TRPM3: variants seen among roughly 807,000 people sequenced by gnomAD.
The protein encoded by TRPM3 is long transient receptor potential channel 3.
Under a neutral mutation model 181.2 loss-of-function variants are expected in TRPM3, and 77 were observed. The ratio of observed to expected loss-of-function variants is 0.42; its 90% CI spans 0.35 to 0.51. The LOEUF (loss-of-function observed/expected upper bound fraction) is 0.51. Among genes scored for constraint, TRPM3 ranks in the 20% least tolerant of loss-of-function variants. TRPM3 has a pLI of 0.01. For synonymous variants in TRPM3, 745 were observed against 796.4 expected, an observed-to-expected ratio of 0.94 and a Z score of 1.09; for missense variants, 1,759 against 2,196.7, an observed-to-expected ratio of 0.80 and a Z score of 3.98.
chr9:71,398,781 A>G (rs2093263928), intron 1 of TRPM3, among the ~76,000 whole-genome samples: 1 of 152,158 alleles, frequency 6.6e-6, no homozygotes, highest in African/African-American at 2.4e-5. Context: ...CAATCTCTAT[A>G]CTAATGCAAA....
intron 1 of TRPM3, among the ~76,000 whole-genome samples, chr9:71,287,598 A>T (rs370252090): frequency 6.6e-6 from 1 of 152,130 alleles, no homozygotes; most frequent in African/African-American, 2.4e-5. Flanking sequence ...TGTACAAAAA[A>T]ACTACAACTC....
intron 1 of TRPM3, among the ~76,000 whole-genome samples, chr9:71,244,512 C>T (rs1020509230): frequency 1.2e-4 from 18 of 152,252 alleles, no homozygotes; most frequent in African/African-American, 4.1e-4. Context: ...TCCTCTAAGT[C>T]ACCCTTGAGG....
chr9:70,593,962 T>G (rs1267277401), intron 21 of TRPM3, among the ~76,000 whole-genome samples: 1 of 147,500 alleles, frequency 6.8e-6, no homozygotes, highest in Non-Finnish European at 1.5e-5. Context: ...GTATATAATA[T>G]ATATTATATA....
chr9:71,168,578 G>GT (rs1248703820), intron 1 of TRPM3, among the ~76,000 whole-genome samples: 5 of 43,256 alleles, frequency 1.2e-4, no homozygotes, highest in African/African-American at 5.4e-4. Flanking sequence ...ATTTATTTTT[G>GT]TTTTTTATTT....
chr9:71,405,575 AAAGT>A (rs2093422275), intron 1 of TRPM3, among the ~76,000 whole-genome samples: 1 of 152,214 alleles, frequency 6.6e-6, no homozygotes, highest in African/African-American at 2.4e-5. Context: ...GAAAAAAACA[AAAGT>A]AAGCTTAAAC....
chr9:71,401,103 C>T (rs2093331801), intron 1 of TRPM3, among the ~76,000 whole-genome samples: 1 of 144,094 alleles, frequency 6.9e-6, no homozygotes, highest in African/African-American at 2.6e-5. Flanking sequence ...GAGGCTGAGG[C>T]AGGAAAATCA....
intron 1 of TRPM3, among the ~76,000 whole-genome samples, chr9:71,351,915 G>A (rs540246936): frequency 2.9e-4 from 41 of 142,860 alleles, no homozygotes; most frequent in African/African-American, 7.2e-4. Context: ...TTGCTCTGTC[G>A]CCCAGGCTGG....
At chr9:70,627,789 A>C (rs1483150480) in intron 12 of TRPM3, among the ~76,000 whole-genome samples, 1 of 152,138 alleles carries the variant, frequency 6.6e-6, no homozygotes, top group Non-Finnish European at 1.5e-5. Flanking sequence ...TCCACAGCCT[A>C]ATCTGGCATC....
intron 1 of TRPM3, among the ~76,000 whole-genome samples, chr9:71,128,455 G>C (rs1466102008): frequency 6.6e-6 from 1 of 152,078 alleles, no homozygotes; most frequent in Non-Finnish European, 1.5e-5. Flanking sequence ...ATTCTAATGA[G>C]TTCCCGGAGG....
chr9:70,648,226 G>T (rs1313140006), intron 9 of TRPM3, among the ~76,000 whole-genome samples: 2 of 152,192 alleles, frequency 1.3e-5, no homozygotes, highest in African/African-American at 4.8e-5. Flanking sequence ...TGTATTACCA[G>T]CATTTTGGGA....
chr9:70,649,301 G>T (rs1171776003), intron 9 of TRPM3, among the ~76,000 whole-genome samples: 1 of 151,352 alleles, frequency 6.6e-6, no homozygotes, highest in Non-Finnish European at 1.5e-5. Flanking sequence ...CAATTCTCCT[G>T]CCTCAGCCTC....
intron 6 of TRPM3, among the ~76,000 whole-genome samples, chr9:70,808,603 C>T (rs931246069): frequency 4.6e-5 from 7 of 152,156 alleles, no homozygotes; most frequent in African/African-American, 1.7e-4. Flanking sequence ...GTTACACAGC[C>T]AACTGTGTCA....
rs1032572998 is a variant in TRPM3, at chr9:70,770,985, G to T, written c.1149-9261C>A. Among the ~76,000 whole-genome samples, 20 of 152,254 alleles carry T rather than the reference G, an allele frequency of 1.3e-4. No homozygotes were observed. The South Asian group carries it at 2.1e-3, about 16-fold the overall frequency. On this transcript the variant is annotated intron_variant, in intron 7 of 25. Transcript: ENST00000677713. ...GTAGGCCTGTGAATAGGATGGGAAA[G>T]GCCACATTTCAAAGCCACTTAGCTG...
chr9:71,075,770 A>G (rs1276363724), intron 1 of TRPM3, among the ~76,000 whole-genome samples: 1 of 152,176 alleles, frequency 6.6e-6, no homozygotes, highest in South Asian at 2.1e-4. Context: ...GAAAACTGTA[A>G]CTCTATTGGC....
intron 5 of TRPM3, among the ~76,000 whole-genome samples, chr9:70,831,389 CT>C (rs57576262): frequency 0.5 from 66,210 of 132,510 alleles, 15,954 homozygotes; most frequent in African/African-American, 0.65. Flanking sequence ...TAAAATAGGA[CT>C]TTTTTTTTTT....
intron 8 of TRPM3, among the ~76,000 whole-genome samples, chr9:70,695,561 A>C (rs2070111847): frequency 6.6e-6 from 1 of 152,126 alleles, no homozygotes; most frequent in African/African-American, 2.4e-5. Context: ...TATCTTCTGC[A>C]AGCTTATCTT....
intron 1 of TRPM3, among the ~76,000 whole-genome samples, chr9:71,171,277 T>G (rs1004926908): frequency 6.6e-6 from 1 of 152,204 alleles, no homozygotes; most frequent in African/African-American, 2.4e-5. Flanking sequence ...CTGCCTCCAC[T>G]TGCCTTGTGA....
intron 1 of TRPM3, among the ~76,000 whole-genome samples, chr9:70,932,192 C>A (rs1415219): frequency 6.6e-6 from 1 of 151,982 alleles, no homozygotes; most frequent in Non-Finnish European, 1.5e-5. Flanking sequence ...TCTACCCTTG[C>A]TTTATCATTA....
Position 71,437,724 on chromosome 9 carries a change from C to T in TRPM3, c.183+8929G>A, listed in dbSNP as rs544963108. ...CTCTACTAAAAATACAAAAATTAGC[C>T]GGGAGTGGTGGCAGGCACCTGTAAT... On this transcript the variant is annotated intron_variant, in intron 1 of 24. Coordinates refer to the TRPM3 transcript ENST00000357533. Among the ~76,000 whole-genome samples, 637 of 151,762 alleles carry T rather than the reference C, an allele frequency of 4.2e-3. 3 individuals carry two copies. Among genetic ancestry groups the T allele is most frequent in the African/African-American group, 0.015 (613 of 41,376 alleles).
Sources: gnomAD v4.1 joint callset for allele counts (sites outside exome capture counted in the v4.1 genomes callset) on GRCh38, gnomAD v4.1.1 for gene constraint, MANE v1.5 for transcripts, NCBI Gene and HGNC (gene_info 2026-07-23, HGNC 2026-07-21) for gene names.